The following MSRA variants were observed in gnomAD, a reference collection of about 807,000 sequenced individuals.
MSRA encodes the protein mitochondrial peptide methionine sulfoxide reductase.
Under a neutral mutation model 31.3 loss-of-function variants are expected in MSRA, and 54 were observed. The ratio of observed to expected loss-of-function variants is 1.73; its 90% confidence interval spans 1.39 to 2.17. The LOEUF (loss-of-function observed/expected upper bound fraction) is 2.17, where lower values mean the gene tolerates loss of function less well. MSRA is among the 30% of genes most tolerant of loss of function. MSRA has a pLI of 0.00. For missense variants in MSRA, 507 were observed against 300.9 expected (o/e 1.69, Z -5.07); for synonymous variants, 169 against 116.5 (o/e 1.45, Z -2.90).
intron 1 of MSRA, among the ~76,000 whole-genome samples, chr8:10,188,152 T>C (rs1421710104): frequency 1.3e-5 from 2 of 152,236 alleles, no homozygotes; most frequent in African/African-American, 4.8e-5. Context: ...CCCCCAATGT[T>C]AATATCTTAC....
At chr8:10,350,906 G>T (rs1040864923) in intron 5 of MSRA, among the ~76,000 whole-genome samples, 2 of 152,194 alleles carry the variant, frequency 1.3e-5, no homozygotes, top group Admixed American at 6.5e-5. Context: ...GTCCAAGGCC[G>T]CCAGAGGGCT....
At chr8:10,353,278 A>G (rs969222924) in intron 5 of MSRA, among the ~76,000 whole-genome samples, 1 of 152,244 alleles carries the variant, frequency 6.6e-6, no homozygotes, top group Non-Finnish European at 1.5e-5. Flanking sequence ...CAGTCTTGCC[A>G]ATAAAAAGCC....
intron 1 of MSRA, among the ~76,000 whole-genome samples, chr8:10,173,669 C>G (rs1805794186): frequency 6.6e-6 from 1 of 152,176 alleles, no homozygotes; most frequent in Admixed American, 6.5e-5. Context: ...TGCAGCCAGG[C>G]TCAACTTTTC....
At chr8:10,079,057 C>T (rs1365598116) in intron 1 of MSRA, among the ~76,000 whole-genome samples, 2 of 152,166 alleles carry the variant, frequency 1.3e-5, no homozygotes, top group African/African-American at 2.4e-5. Flanking sequence ...CCTGGAGGTT[C>T]TGGGGACTGC....
At chr8:10,136,603 A>G (rs1189135370) in intron 1 of MSRA, among the ~76,000 whole-genome samples, 5 of 152,198 alleles carry the variant, frequency 3.3e-5, no homozygotes, top group African/African-American at 9.7e-5. Context: ...ACATTGTAGC[A>G]TATCTCTTTT....
chr8:10,294,212 T>A (rs1585389939), intron 3 of MSRA, among the ~76,000 whole-genome samples: 1 of 152,048 alleles, frequency 6.6e-6, no homozygotes, highest in Non-Finnish European at 1.5e-5. Context: ...TCTAAATAAA[T>A]AAATAAATAA....
intron 1 of MSRA, among the ~76,000 whole-genome samples, chr8:10,201,354 C>G (rs1404437471): frequency 6.6e-6 from 1 of 152,096 alleles, no homozygotes; most frequent in African/African-American, 2.4e-5. Context: ...AGAGTTTAGT[C>G]TGATCCAAGA....
Position 10,103,744 on chromosome 8 carries a change from G to A in MSRA, c.142+49086G>A, listed in dbSNP as rs771308016. 3.9e-4 allele frequency among the ~76,000 whole-genome samples: 58 copies of A among 150,614 alleles called. No homozygotes were observed. In the South Asian group the frequency reaches 4.6e-3, roughly 12 times the overall value. ...AATGCTTTAAAATTGTTTAAATATC[G>A]AAGACCTTCAAATAGATAGCAAAGT... On this transcript the variant is annotated intron_variant, in intron 1 of 5. Coordinates refer to ENST00000317173, the MANE Select transcript of MSRA (RefSeq NM_012331.5).
intron 5 of MSRA, among the ~76,000 whole-genome samples, chr8:10,342,523 G>C (rs1172689383): frequency 6.6e-6 from 1 of 152,192 alleles, no homozygotes; most frequent in African/African-American, 2.4e-5. Flanking sequence ...GGGCCTCTGA[G>C]CCGCACGGAA....
At chr8:10,367,628 C>T (rs1320794151) in intron 5 of MSRA, among the ~76,000 whole-genome samples, 3 of 152,192 alleles carry the variant, frequency 2.0e-5, no homozygotes, top group African/African-American at 7.2e-5. Context: ...AACCAAGGCA[C>T]AGAGGTGTTG....
At chr8:10,361,043 T>C (rs368404603) in intron 5 of MSRA, among the ~76,000 whole-genome samples, 189 of 152,370 alleles carry the variant, frequency 1.2e-3, no homozygotes, top group Non-Finnish European at 2.1e-3. Flanking sequence ...CCTTGGCTGA[T>C]AGAGTTGGAC....
At chr8:10,241,395 A>T (rs757412521) in intron 2 of MSRA, among the ~76,000 whole-genome samples, 3 of 152,168 alleles carry the variant, frequency 2.0e-5, no homozygotes, top group Non-Finnish European at 4.4e-5. Flanking sequence ...ACATGAGAGC[A>T]GTCATTGAAA....
intron 3 of MSRA, among the ~76,000 whole-genome samples, chr8:10,271,020 G>A (rs566888281): frequency 2.0e-5 from 3 of 148,398 alleles, no homozygotes; most frequent in South Asian, 2.1e-4. Context: ...GCACATTTTT[G>A]TTCTGGCAAT....
chr8:10,079,292 G>A (rs1733817310), intron 1 of MSRA, among the ~76,000 whole-genome samples: 1 of 152,068 alleles, frequency 6.6e-6, no homozygotes, highest in African/African-American at 2.4e-5. Flanking sequence ...CCACATAGCT[G>A]GGACTAACAG....
intron 1 of MSRA, among the ~76,000 whole-genome samples, chr8:10,070,838 T>C (rs1383071584): frequency 1.3e-5 from 2 of 152,262 alleles, no homozygotes; most frequent in Non-Finnish European, 2.9e-5. Context: ...AGTGCTTTGT[T>C]CTTTTTCATT....
At chr8:10,314,144 A>C (rs1270871815) in intron 4 of MSRA, among the ~76,000 whole-genome samples, 1 of 152,214 alleles carries the variant, frequency 6.6e-6, no homozygotes, top group Non-Finnish European at 1.5e-5. Flanking sequence ...ATATTTGACA[A>C]ATTTAACTAT....
chr8:10,093,509 T>C (rs1049368515), intron 1 of MSRA, among the ~76,000 whole-genome samples: 1 of 152,206 alleles, frequency 6.6e-6, no homozygotes, highest in African/African-American at 2.4e-5. Context: ...TCTTCATAGA[T>C]TGTGTGCTTT....
At chr8:10,108,372 G>T (rs1800038629) in intron 1 of MSRA, among the ~76,000 whole-genome samples, 1 of 152,182 alleles carries the variant, frequency 6.6e-6, no homozygotes, top group Non-Finnish European at 1.5e-5. Context: ...AGTGGCTGAT[G>T]GGATGTGAAG....
At chr8:10,239,186 G>A (rs1812198162) in intron 2 of MSRA, among the ~76,000 whole-genome samples, 2 of 151,812 alleles carry the variant, frequency 1.3e-5, no homozygotes, top group Non-Finnish European at 1.5e-5. Context: ...TTTTTAAGAT[G>A]GAGTTTTGCT....
Sources: gnomAD v4.1 joint callset for allele counts (sites outside exome capture counted in the v4.1 genomes callset) on GRCh38, gnomAD v4.1.1 for gene constraint, MANE v1.5 for transcripts, NCBI Gene and HGNC (gene_info 2026-07-23, HGNC 2026-07-21) for gene names.